Variants in OPN5 observed in about 807,000 individuals in gnomAD.
OPN5 encodes opsin 5, also known as opsin-5.
In OPN5, 18 loss-of-function variants were observed where a neutral mutation model predicts 41.7. The observed-to-expected ratio is 0.43, with a 90% CI of 0.30 to 0.64. The LOEUF (loss-of-function observed/expected upper bound fraction) is 0.64. Among genes scored for constraint, OPN5 ranks in the 30% least tolerant of loss-of-function variants. The pLI, the probability that OPN5 is intolerant of heterozygous loss-of-function variation, is 0.13. For synonymous variants in OPN5, 178 were observed against 164.3 expected (o/e 1.08, Z -0.64); for missense variants, 318 against 434.5 (o/e 0.73, Z 2.38).
intron 4 of OPN5, among the ~76,000 whole-genome samples, chr6:47,803,849 C>G (rs1222196555): frequency 1.3e-5 from 2 of 152,150 alleles, no homozygotes; most frequent in East Asian, 3.9e-4. Flanking sequence ...TGAACCATGA[C>G]TGGTATCATG....
At position 47,808,436 on chromosome 6, in the gene OPN5, T is replaced by A. The variant is rs1227576236; in HGVS notation, c.998+41T>A. ...CTGGAAATGAATTACACTCTCTTTG[T>A]TTCAAAATCCGGCAGGGTTCAAGGT... is the stretch of plus-strand genomic sequence containing the variant. On this transcript the variant is annotated intron_variant, in intron 5 of 6. Transcript: ENST00000371211. The A allele has an allele frequency of 2.5e-6, 4 of 1,609,418 alleles. No individual in the cohort carries two copies. The South Asian group carries it at 4.4e-5, about 18-fold the overall frequency.
intron 4 of OPN5, among the ~76,000 whole-genome samples, chr6:47,798,880 G>T (rs1300455811): frequency 6.6e-6 from 1 of 152,040 alleles, no homozygotes; most frequent in Non-Finnish European, 1.5e-5. Flanking sequence ...TACTGCTCAG[G>T]ATTGTCAAAT....
intron 5 of OPN5, among the ~76,000 whole-genome samples, chr6:47,809,001 A>G (rs950090440): frequency 6.6e-6 from 1 of 152,238 alleles, no homozygotes. Context: ...GGAGAAATTC[A>G]AATTCAAGTC....
At chr6:47,795,637 G>A (rs1187334231) in intron 4 of OPN5, 74 bp downstream of exon 4, 8 of 1,000,752 alleles carry the variant, frequency 8.0e-6, no homozygotes, top group East Asian at 2.4e-5. Flanking sequence ...GATAGGGAAC[G>A]TTGGAGACTG....
At chr6:47,787,850 T>C (rs1371713558) in intron 2 of OPN5, among the ~76,000 whole-genome samples, 1 of 152,184 alleles carries the variant, frequency 6.6e-6, no homozygotes, top group Non-Finnish European at 1.5e-5. Flanking sequence ...TGAGCTATGG[T>C]ACTACCACTG....
At chr6:47,805,516 A>T (rs1262016483) in intron 4 of OPN5, among the ~76,000 whole-genome samples, 1 of 152,026 alleles carries the variant, frequency 6.6e-6, no homozygotes, top group Non-Finnish European at 1.5e-5. Flanking sequence ...ACTTTAGGTT[A>T]GACTTTAGAT....
chr6:47,823,408 G>A (rs1316618591), intron 6 of OPN5: 1 of 152,784 alleles, frequency 6.5e-6, no homozygotes, highest in African/African-American at 2.4e-5. Context: ...CTGGCAGGGA[G>A]ACGCCACAAA....
rs539957464 is a variant in OPN5, at chr6:47,815,709, T to C, written c.1056+3978T>C. ...CAGGGAATTTGCTAAGAAAACACAT[T>C]TAAGGGCATGCCCTCACTCAGTACA... On this transcript the variant is annotated intron_variant, in intron 6 of 6. Transcript: ENST00000371211. Among the ~76,000 whole-genome samples the C allele has an allele frequency of 5.2e-4, 79 of 152,128 alleles. 1 individual carries two copies. In the South Asian group the frequency reaches 0.016, roughly 30 times the overall value.
At chr6:47,793,073 T>C (rs1026399775) in intron 3 of OPN5, among the ~76,000 whole-genome samples, 2 of 151,516 alleles carry the variant, frequency 1.3e-5, no homozygotes, top group African/African-American at 2.4e-5. Flanking sequence ...TCCAGTAAGA[T>C]ATAAAATATA....
chr6:47,810,451 AG>A (rs1472754010), intron 5 of OPN5, among the ~76,000 whole-genome samples: 5 of 151,888 alleles, frequency 3.3e-5, no homozygotes, highest in African/African-American at 1.2e-4. Context: ...AGTAATGTGC[AG>A]GTCTGCAGAG....
At chr6:47,801,112 C>A (rs1773753534) in intron 4 of OPN5, among the ~76,000 whole-genome samples, 1 of 152,152 alleles carries the variant, frequency 6.6e-6, no homozygotes, top group African/African-American at 2.4e-5. Context: ...TGACACTGGT[C>A]ATATTTTACT....
At chr6:47,801,959 A>T (rs1232162101) in intron 4 of OPN5, among the ~76,000 whole-genome samples, 1 of 152,164 alleles carries the variant, frequency 6.6e-6, no homozygotes, top group African/African-American at 2.4e-5. Context: ...GTCAATCCCA[A>T]TTTTGCCACT....
chr6:47,804,881 C>G (rs1214829183), intron 4 of OPN5, among the ~76,000 whole-genome samples: 1 of 152,160 alleles, frequency 6.6e-6, no homozygotes, highest in Non-Finnish European at 1.5e-5. Context: ...CTTTCCTGTT[C>G]CCCAATTGCA....
chr6:47,811,829 A>G, intron 6 of OPN5, 98 bp downstream of exon 6: 1 of 732,398 alleles, frequency 1.4e-6, no homozygotes, highest in Non-Finnish European at 2.3e-6. Flanking sequence ...TTTTGTCTTT[A>G]TATTATATTT....
At chr6:47,813,870 A>G (rs1762344547) in intron 6 of OPN5, among the ~76,000 whole-genome samples, 1 of 152,140 alleles carries the variant, frequency 6.6e-6, no homozygotes, top group South Asian at 2.1e-4. Context: ...AATAATGTAG[A>G]TAACGGTGTC....
At position 47,811,676 on chromosome 6, in the gene OPN5, T is replaced by A. The variant is rs774001394; in HGVS notation, c.1001T>A (p.Leu334Gln). 6.8e-6 allele frequency: 11 copies of A among 1,611,364 alleles called. No individual in the cohort carries two copies. The Admixed American group carries it at 1.8e-4, about 27-fold the overall frequency. The change falls in exon 6 of 7, where the codon CTG (leucine) becomes CAG (glutamine). Residue 334 changes from leucine to glutamine, a missense_variant and splice_region_variant. Leu to Gln is a moderately radical substitution (Grantham distance 113). Around this residue, in one of 3 missense-constraint regions of OPN5, gnomAD observed 53 missense variants for 47.2 expected, o/e 1.12. Coordinates refer to ENST00000371211, the Ensembl canonical transcript of OPN5. ...CATTTTTCTTCTCCTATATCTAGGC[T>A]GCACACCGTAACCACAGTCAGGAAG...
downstream of OPN5, chr6:47,825,741 C>A (rs1253905286): frequency 6.6e-6 from 1 of 152,142 alleles, no homozygotes; most frequent in Admixed American, 6.6e-5. Context: ...TTCTATTCCC[C>A]TATTTTTTCT....
chr6:47,790,930 T>C (rs1773351053), intron 2 of OPN5, among the ~76,000 whole-genome samples: 2 of 152,124 alleles, frequency 1.3e-5, no homozygotes, highest in Admixed American at 1.3e-4. Context: ...AGGATGCAGC[T>C]TCCAAAAGAA....
intron 4 of OPN5, 94 bp from the exon 5 acceptor site, chr6:47,808,060 A>G (rs1196978819): frequency 8.6e-7 from 1 of 1,161,798 alleles, no homozygotes; most frequent in East Asian, 2.3e-5. Context: ...CTTGGCTGTG[A>G]GAGGTGACCT....
Sources: allele counts gnomAD v4.1 joint callset (sites outside exome capture counted in the v4.1 genomes callset), GRCh38; gene constraint gnomAD v4.1.1; regional missense constraint gnomAD v4.1.1; transcripts MANE v1.5; gene names NCBI Gene and HGNC (gene_info 2026-07-23, HGNC 2026-07-21).